Variants in PACS1 observed in about 807,000 individuals in gnomAD.
PACS1 encodes phosphofurin acidic cluster sorting protein 1.
PACS1 carries 24 observed loss-of-function variants against 115.0 expected under a neutral mutation model. The ratio of observed to expected loss-of-function variants is 0.21; its 90% CI spans 0.15 to 0.29. PACS1 has a LOEUF of 0.29. PACS1 is among the 10% of genes least tolerant of loss of function. The probability of loss-of-function intolerance (pLI) is 1.00; values close to 1 mark genes in which losing one functional copy is unlikely to be tolerated. For missense variants in PACS1, 838 were observed against 1,251.2 expected (o/e 0.67, Z 4.98); for synonymous variants, 453 against 504.5 (o/e 0.90, Z 1.37).
chr11:66,088,332 T>C (rs1406793140), intron 1 of PACS1, among the ~76,000 whole-genome samples: 1 of 152,216 alleles, frequency 6.6e-6, no homozygotes, highest in Non-Finnish European at 1.5e-5. Flanking sequence ...CTTTGCCTAC[T>C]CTAAGATCAT....
Position 66,233,103 on chromosome 11 carries a change from AT to A in PACS1, c.1838+39del. The A allele has an allele frequency of 6.9e-7, 1 of 1,451,374 alleles. No individual in the cohort carries two copies. Among genetic ancestry groups the A allele is most frequent in the South Asian group, 1.1e-5 (1 of 87,636 alleles). The allele number at this position is 1,451,374 out of a possible 1,614,324, so 89.9% of individuals were successfully genotyped here. On this transcript the variant is annotated intron_variant, in intron 15 of 23. Transcript: ENST00000320580. The surrounding 1 kb of genome is among the most constrained non-coding windows in gnomAD (Gnocchi z 4.5). ...GGCCTCCCTTCTCCTGCCCTTAGAG[AT>A]TCCCTCTGACCTCATCTTCCAACCC...
chr11:66,137,528 C>T (rs1426715546), intron 1 of PACS1, among the ~76,000 whole-genome samples: 1 of 152,196 alleles, frequency 6.6e-6, no homozygotes, highest in Non-Finnish European at 1.5e-5. Context: ...AAATTTTTAA[C>T]CTAAATGTAA....
At chr11:66,087,323 C>T (rs1565101294) in intron 1 of PACS1, among the ~76,000 whole-genome samples, 1 of 152,096 alleles carries the variant, frequency 6.6e-6, no homozygotes, top group Non-Finnish European at 1.5e-5. Context: ...TCACTGCAAC[C>T]TCCGCCTCCC....
chr11:66,161,458 C>A (rs371648010), intron 1 of PACS1, among the ~76,000 whole-genome samples: 1 of 151,736 alleles, frequency 6.6e-6, no homozygotes, highest in East Asian at 1.9e-4. Context: ...ATCTCTAAAA[C>A]GAAAATAAAA....
At chr11:66,191,498 G>T (rs1328385798) in intron 1 of PACS1, among the ~76,000 whole-genome samples, 2 of 152,156 alleles carry the variant, frequency 1.3e-5, no homozygotes, top group African/African-American at 4.8e-5. Context: ...TTTACTGGCT[G>T]TAAGTGAATT....
chr11:66,233,062 C>T lies in PACS1; in HGVS notation c.1834C>T (p.Arg612Cys), dbSNP rs1038333975. Residue 612 changes from arginine to cysteine, a missense_variant, in exon 15 of 24, where the codon CGC becomes TGC. This residue lies in a region of PACS1 where 383 missense variants were observed against 537.0 expected (regional missense o/e 0.71). Transcript: ENST00000320580. The surrounding 1 kb of genome is among the most constrained non-coding windows in gnomAD (Gnocchi z 4.5). ...VLSALLTRIQ[R>C]YCNCNSSMPR... ...GTCCGCCCTGCTCACCCGGATCCAG[C>T]GCTAGTAAGGGCTCTGGCCTCCCTT... The T allele has an allele frequency of 2.5e-6, 4 of 1,604,508 alleles. No individual in the cohort carries two copies. The highest frequency in any genetic ancestry group is 2.7e-5 in the African/African-American group (2 of 74,864).
At chr11:66,189,333 A>G (rs1475841118) in intron 1 of PACS1, among the ~76,000 whole-genome samples, 1 of 152,198 alleles carries the variant, frequency 6.6e-6, no homozygotes, top group Non-Finnish European at 1.5e-5. Flanking sequence ...GCTTTACCTA[A>G]GGTACTAAAT....
At chr11:66,121,923 C>T (rs1334371653) in intron 1 of PACS1, among the ~76,000 whole-genome samples, 1 of 152,154 alleles carries the variant, frequency 6.6e-6, no homozygotes, top group Admixed American at 6.5e-5. Flanking sequence ...GCTAAGGTGG[C>T]TAGATGATGA....
intron 1 of PACS1, among the ~76,000 whole-genome samples, chr11:66,140,298 C>T (rs1004245117): frequency 6.6e-6 from 1 of 152,166 alleles, no homozygotes; most frequent in Non-Finnish European, 1.5e-5. Context: ...TGACTGAGCT[C>T]TAGTTCGGAA....
At chr11:66,239,390 G>C (rs1329324245) in intron 21 of PACS1, 113 bp downstream of exon 21, 4 of 1,257,252 alleles carry the variant, frequency 3.2e-6, no homozygotes, top group Non-Finnish European at 3.3e-6. Flanking sequence ...GGGCGTGGTA[G>C]TGCACACCTG....
intron 13 of PACS1, among the ~76,000 whole-genome samples, chr11:66,231,178 G>T (rs954106165): frequency 1.3e-5 from 2 of 152,262 alleles, no homozygotes; most frequent in African/African-American, 2.4e-5. Context: ...AGCCAAAAAC[G>T]CTGTGTGGTC....
At chr11:66,234,895 A>T (rs1855675623) in intron 17 of PACS1, among the ~76,000 whole-genome samples, 2 of 152,128 alleles carry the variant, frequency 1.3e-5, no homozygotes, top group African/African-American at 4.8e-5. Flanking sequence ...AATAAAAATA[A>T]AAAAATAAAG....
intron 1 of PACS1, among the ~76,000 whole-genome samples, chr11:66,073,629 T>A (rs1054200669): frequency 1.3e-5 from 2 of 152,244 alleles, no homozygotes; most frequent in African/African-American, 2.4e-5. Context: ...CTGCTCTTAT[T>A]TAACATCTGT....
At position 66,167,738 on chromosome 11, in the gene PACS1, C is replaced by T. The variant is rs181020715; in HGVS notation, c.357-25748C>T. 1.6e-3 allele frequency among the ~76,000 whole-genome samples: 238 copies of T among 149,888 alleles called. 28 individuals carry two copies. The highest frequency in any genetic ancestry group is 5.9e-3 in the African/African-American group (233 of 39,416). ...GTGTGGATCCAACTTTCCTTTTTTG[C>T]ATTTCATAGTTTATTTTTTTTCCCA... On this transcript the variant is annotated intron_variant, in intron 1 of 23. Coordinates refer to ENST00000320580, the MANE Select transcript of PACS1 (RefSeq NM_018026.4).
Position 66,239,232 on chromosome 11 carries a change from C to T in PACS1, c.2384C>T (p.Thr795Ile). Residue 795 changes from threonine to isoleucine, a missense_variant, in exon 21 of 24, where the codon ACC becomes ATC. Physicochemically the swap from Thr to Ile is moderately conservative, Grantham distance 89. Transcript: ENST00000320580. ...GGCCTGAGCCGAGACGCCACGGCCA[C>T]CCCTCCCTCCTCCCCATCTATGAGC... ...SSGLSRDATA[T>I]PPSSPSMSSA... The T allele has an allele frequency of 6.2e-7, 1 of 1,613,798 alleles. No individual in the cohort carries two copies. The highest frequency in any genetic ancestry group is 8.5e-7 in the Non-Finnish European group (1 of 1,179,978).
intron 1 of PACS1, among the ~76,000 whole-genome samples, chr11:66,180,748 T>C (rs1705216456): frequency 1.3e-5 from 2 of 152,092 alleles, no homozygotes; most frequent in East Asian, 1.9e-4. Context: ...AGCCTTGACC[T>C]CCTGGGCTCA....
chr11:66,085,779 TGAAA>T (rs1392087278), intron 1 of PACS1, among the ~76,000 whole-genome samples: 1 of 152,170 alleles, frequency 6.6e-6, no homozygotes, highest in Non-Finnish European at 1.5e-5. Flanking sequence ...AACTGTAATA[TGAAA>T]GAAAAATAAA....
At chr11:66,216,865 C>CTTTTTTTTTTTTTT in intron 7 of PACS1, 90 bp downstream of exon 7, 1 of 818,126 alleles carries the variant, frequency 1.2e-6, no homozygotes, top group Non-Finnish European at 2.1e-6. Context: ...GTGGAGACTT[C>CTTTTTTTTTTTTTT]TTAAAATCAA....
At chr11:66,138,600 G>C (rs1429587727) in intron 1 of PACS1, among the ~76,000 whole-genome samples, 1 of 151,840 alleles carries the variant, frequency 6.6e-6, no homozygotes, top group East Asian at 1.9e-4. Flanking sequence ...TCCCAGCCCT[G>C]ATATTGTGTT....
Sources: allele counts gnomAD v4.1 joint callset (sites outside exome capture counted in the v4.1 genomes callset), GRCh38; gene constraint gnomAD v4.1.1; regional missense constraint gnomAD v4.1.1; non-coding constraint Gnocchi (gnomAD v3.1); transcripts MANE v1.5; gene names NCBI Gene and HGNC (gene_info 2026-07-23, HGNC 2026-07-21).